The following PRELID2 variants were observed in gnomAD, a reference collection of about 807,000 sequenced individuals.
PRELID2 encodes the protein PRELI domain containing 2, also known as PRELI domain-containing protein 2.
In PRELID2, 25 loss-of-function variants were observed where a neutral mutation model predicts 28.4. The ratio of observed to expected loss-of-function variants is 0.88; its 90% CI spans 0.64 to 1.23. PRELID2 has a LOEUF of 1.23. PRELID2 is among the 50% of genes most tolerant of loss of function. The probability of loss-of-function intolerance (pLI) is 0.00; values close to 1 mark genes in which losing one functional copy is unlikely to be tolerated. For missense variants in PRELID2, 201 were observed against 214.4 expected, an observed-to-expected ratio of 0.94 and a Z score of 0.39; for synonymous variants, 76 against 71.6, an observed-to-expected ratio of 1.06 and a Z score of -0.31.
the PRELID2 span, among the ~76,000 whole-genome samples, chr5:145,408,884 T>C: frequency 6.6e-6 from 1 of 152,070 alleles, no homozygotes; most frequent in East Asian, 1.9e-4. Context: ...CAAAAATTCA[T>C]TAAACAAAGA....
chr5:145,404,312 GCAGAGCTGTCCT>G, the PRELID2 span, among the ~76,000 whole-genome samples: 2 of 152,198 alleles, frequency 1.3e-5, no homozygotes, highest in African/African-American at 2.4e-5. Flanking sequence ...TGCATCAGCT[GCAGAGCTGTCCT>G]TCAAAAGGAC....
intron 1 of PRELID2, among the ~76,000 whole-genome samples, chr5:145,650,475 C>A (rs1246371773): frequency 1.4e-5 from 2 of 143,540 alleles, no homozygotes; most frequent in Non-Finnish European, 3.0e-5. Flanking sequence ...TTTGGCATCA[C>A]CAGAAGCAGA....
intron 1 of PRELID2, among the ~76,000 whole-genome samples, chr5:145,548,895 C>T (rs1260154542): frequency 1.3e-5 from 2 of 152,158 alleles, no homozygotes; most frequent in Non-Finnish European, 2.9e-5. Context: ...CCTGATAATC[C>T]CAATCAAATT....
At chr5:145,247,461 G>T in the PRELID2 span, among the ~76,000 whole-genome samples, 11 of 152,138 alleles carry the variant, frequency 7.2e-5, no homozygotes, top group Non-Finnish European at 1.2e-4. Flanking sequence ...AGGCCACAGT[G>T]CCAGGTGAGA....
chr5:145,403,303 T>A, the PRELID2 span, among the ~76,000 whole-genome samples: 2 of 152,080 alleles, frequency 1.3e-5, no homozygotes, highest in East Asian at 3.8e-4. Context: ...TTTGGGAGAC[T>A]GAGGTGGGAA....
chr5:145,418,850 G>C, the PRELID2 span, among the ~76,000 whole-genome samples: 3 of 151,114 alleles, frequency 2.0e-5, no homozygotes, highest in African/African-American at 4.9e-5. Context: ...TCTAGTATTA[G>C]GTATATCTCC....
At chr5:145,554,911 T>C (rs1752866938) in intron 1 of PRELID2, among the ~76,000 whole-genome samples, 2 of 152,166 alleles carry the variant, frequency 1.3e-5, no homozygotes, top group Non-Finnish European at 1.5e-5. Flanking sequence ...AAGAAGAGTT[T>C]TAGGCAATTC....
At chr5:145,654,570 C>T (rs1754357778) in intron 1 of PRELID2, among the ~76,000 whole-genome samples, 1 of 152,158 alleles carries the variant, frequency 6.6e-6, no homozygotes, top group Non-Finnish European at 1.5e-5. Flanking sequence ...GGGCTTCAGC[C>T]CTGGGATGCA....
At chr5:145,314,184 T>A in the PRELID2 span, among the ~76,000 whole-genome samples, 11 of 152,242 alleles carry the variant, frequency 7.2e-5, no homozygotes, top group African/African-American at 2.7e-4. Context: ...TGGGTATGGC[T>A]CCACAAAGCA....
At chr5:145,231,696 C>T in the PRELID2 span, among the ~76,000 whole-genome samples, 1 of 151,998 alleles carries the variant, frequency 6.6e-6, no homozygotes, top group Admixed American at 6.6e-5. Flanking sequence ...TTCAACTTTA[C>T]CATCTTCTTC....
At chr5:145,650,791 C>T (rs1427302981) in intron 1 of PRELID2, among the ~76,000 whole-genome samples, 2 of 152,002 alleles carry the variant, frequency 1.3e-5, no homozygotes, top group Middle Eastern at 3.4e-3. Context: ...TCCAAGATGG[C>T]TGAATAGGAA....
chr5:145,725,887 CAGAA>C (rs1756131310), intron 1 of PRELID2, among the ~76,000 whole-genome samples: 1 of 152,064 alleles, frequency 6.6e-6, no homozygotes, highest in Non-Finnish European at 1.5e-5. Flanking sequence ...AGAATTTAAA[CAGAA>C]AGAATTTACA....
chr5:145,684,457 C>T (rs1754997378), intron 1 of PRELID2, among the ~76,000 whole-genome samples: 1 of 152,188 alleles, frequency 6.6e-6, no homozygotes, highest in Non-Finnish European at 1.5e-5. Context: ...CCACTAAAAC[C>T]TATCACTCTC....
At chr5:145,686,555 G>T (rs1755041708) in intron 1 of PRELID2, among the ~76,000 whole-genome samples, 1 of 152,152 alleles carries the variant, frequency 6.6e-6, no homozygotes, top group African/African-American at 2.4e-5. Context: ...TAAGAAAGCT[G>T]TGAAAAGGCA....
chr5:145,367,021 T>C, the PRELID2 span, among the ~76,000 whole-genome samples: 1 of 151,854 alleles, frequency 6.6e-6, no homozygotes, highest in Non-Finnish European at 1.5e-5. Context: ...TCTAGCATTT[T>C]TTCCCTCATC....
the PRELID2 span, among the ~76,000 whole-genome samples, chr5:145,402,310 C>G: frequency 6.6e-6 from 1 of 152,136 alleles, no homozygotes; most frequent in Non-Finnish European, 1.5e-5. Flanking sequence ...CTGGTAGATT[C>G]ATCAAGACTC....
chr5:145,575,722 G>A (rs139337195), intron 1 of PRELID2, among the ~76,000 whole-genome samples: 1 of 152,008 alleles, frequency 6.6e-6, no homozygotes, highest in Admixed American at 6.6e-5. Context: ...CTTCATTATT[G>A]GTCCCTGACT....
chr5:145,444,879 G>T, the PRELID2 span, among the ~76,000 whole-genome samples: 3 of 151,872 alleles, frequency 2.0e-5, no homozygotes, highest in Non-Finnish European at 4.4e-5. Flanking sequence ...AGCTTATATC[G>T]TGGTGGGAAA....
chr5:145,739,591 C>T (rs1351933876), intron 1 of PRELID2, among the ~76,000 whole-genome samples: 1 of 151,778 alleles, frequency 6.6e-6, no homozygotes, highest in African/African-American at 2.4e-5. Context: ...ACTTTCTCTT[C>T]TTGAGTCTTC....
Sources: gnomAD v4.1 joint callset for allele counts (sites outside exome capture counted in the v4.1 genomes callset) on GRCh38, gnomAD v4.1.1 for gene constraint, MANE v1.5 for transcripts, NCBI Gene and HGNC (gene_info 2026-07-23, HGNC 2026-07-21) for gene names.